Variants in HDAC8 observed in about 807,000 individuals in gnomAD.
HDAC8 encodes histone deacetylase-like 1.
A neutral mutation model predicts 32.2 loss-of-function variants in HDAC8; 1 was observed. The observed-to-expected ratio is 0.03, with a 90% CI of 0.01 to 0.15. The LOEUF is 0.15. Ranked by LOEUF, HDAC8 falls within the 10% of genes least tolerant of loss-of-function variation. The pLI is 1.00. For missense variants in HDAC8, 117 were observed against 300.0 expected, an observed-to-expected ratio of 0.39 and a Z score of 4.51; for synonymous variants, 108 against 113.9, an observed-to-expected ratio of 0.95 and a Z score of 0.33.
chrX:72,370,589 G>A (rs2044843294), intron 9 of HDAC8, among the ~76,000 whole-genome samples: 1 of 111,164 alleles, frequency 9.0e-6, no homozygotes, highest in Admixed American at 9.5e-5. Flanking sequence ...TCGAATTCCT[G>A]ACCTCATGAT....
chrX:72,363,291 G>GT (rs1376596605), intron 9 of HDAC8, among the ~76,000 whole-genome samples: 2 of 112,106 alleles, frequency 1.8e-5, no homozygotes, highest in African/African-American at 3.2e-5. Context: ...ACACACGAAG[G>GT]TTTTTTACAT....
chrX:72,370,986 T>C (rs919736995), intron 9 of HDAC8, among the ~76,000 whole-genome samples: 10 of 112,158 alleles, frequency 8.9e-5, no homozygotes, highest in African/African-American at 3.2e-4. Flanking sequence ...CCAAGATCAA[T>C]ACTTTGTATG....
chrX:72,434,824 A>G (rs1371074127), intron 9 of HDAC8, among the ~76,000 whole-genome samples: 2 of 112,354 alleles, frequency 1.8e-5, no homozygotes, highest in Non-Finnish European at 3.8e-5. Flanking sequence ...AACACATTTA[A>G]TACTCACATT....
At chrX:72,491,160 C>T in intron 5 of HDAC8, among the ~76,000 whole-genome samples, 154 bp from the exon 6 acceptor site, 1 of 111,996 alleles carries the variant, frequency 8.9e-6, no homozygotes, top group Non-Finnish European at 1.9e-5. Flanking sequence ...ATACGAACCT[C>T]TGGTCTCTAA....
At chrX:72,507,255 C>T (rs2049424683) in intron 4 of HDAC8, among the ~76,000 whole-genome samples, 1 of 111,730 alleles carries the variant, frequency 9.0e-6, no homozygotes, top group Non-Finnish European at 1.9e-5. Flanking sequence ...GTTCAAGTGG[C>T]TTTACAGAAA....
intron 5 of HDAC8, among the ~76,000 whole-genome samples, chrX:72,492,567 A>G (rs2048903471): frequency 9.1e-6 from 1 of 110,114 alleles, no homozygotes; most frequent in Non-Finnish European, 1.9e-5. Flanking sequence ...AACCAAATGC[A>G]TAAGTGTTGG....
chrX:72,472,012 T>A (rs1331073583), intron 7 of HDAC8, among the ~76,000 whole-genome samples: 2 of 111,705 alleles, frequency 1.8e-5, no homozygotes, highest in African/African-American at 6.5e-5. Context: ...CTATTTTAAA[T>A]TAATTTTTAT....
At chrX:72,434,612 C>G (rs893313489) in intron 9 of HDAC8, among the ~76,000 whole-genome samples, 9 of 111,805 alleles carry the variant, frequency 8.0e-5, no homozygotes, top group Non-Finnish European at 1.7e-4. Flanking sequence ...GTACCTAATA[C>G]AGCACCATAC....
intron 10 of HDAC8, among the ~76,000 whole-genome samples, chrX:72,335,352 C>G (rs1465776074): frequency 2.7e-5 from 3 of 112,151 alleles, no homozygotes; most frequent in African/African-American, 9.7e-5. Context: ...ACTCATCCCT[C>G]CCTTCCTTTC....
At chrX:72,514,105 A>C (rs1030361057) in intron 4 of HDAC8, among the ~76,000 whole-genome samples, 2 of 112,649 alleles carry the variant, frequency 1.8e-5, no homozygotes, top group Non-Finnish European at 3.7e-5. Flanking sequence ...GAAACTCAGA[A>C]GGTAATTCAC....
chrX:72,348,243 C>A (rs1163183396), intron 10 of HDAC8, among the ~76,000 whole-genome samples: 1 of 112,239 alleles, frequency 8.9e-6, no homozygotes, highest in African/African-American at 3.2e-5. Context: ...CTTACCTCTC[C>A]AAAGCAATCT....
intron 5 of HDAC8, among the ~76,000 whole-genome samples, chrX:72,493,461 G>A (rs1297688685): frequency 9.0e-6 from 1 of 111,256 alleles, no homozygotes; most frequent in African/African-American, 3.3e-5. Flanking sequence ...ATATGGCCCA[G>A]CAATCTGCAT....
At chrX:72,552,051 T>G (rs2051089029) in intron 4 of HDAC8, among the ~76,000 whole-genome samples, 1 of 112,763 alleles carries the variant, frequency 8.9e-6, no homozygotes, top group African/African-American at 3.2e-5. Flanking sequence ...AACTACTTCC[T>G]GCCTTGTTTC....
chrX:72,514,771 G>A (rs182525828), intron 4 of HDAC8, among the ~76,000 whole-genome samples: 187 of 111,700 alleles, frequency 1.7e-3, no homozygotes, highest in South Asian at 3.8e-3. Context: ...TTCGGCCTCC[G>A]AAAGTCTGTA....
At chrX:72,388,595 TACAC>T (rs59374504) in intron 9 of HDAC8, among the ~76,000 whole-genome samples, 1,063 of 88,328 alleles carry the variant, frequency 0.012, 6 homozygotes, top group African/African-American at 0.023. Flanking sequence ...CCACAGTGAT[TACAC>T]ACACACACAC....
intron 4 of HDAC8, among the ~76,000 whole-genome samples, chrX:72,565,099 A>G (rs1402736012): frequency 8.9e-6 from 1 of 112,075 alleles, no homozygotes; most frequent in Non-Finnish European, 1.9e-5. Flanking sequence ...TTTTGAAATA[A>G]AGAATCTTTT....
chrX:72,484,266 T>G (rs892193534), intron 7 of HDAC8, among the ~76,000 whole-genome samples: 8 of 112,016 alleles, frequency 7.1e-5, no homozygotes. Flanking sequence ...TATTATGAAC[T>G]CTGGTTCACT....
intron 9 of HDAC8, among the ~76,000 whole-genome samples, chrX:72,459,628 C>CTCTTCCTGAGGTGA (rs2047814509): frequency 9.0e-6 from 1 of 111,485 alleles, no homozygotes; most frequent in African/African-American, 3.3e-5. Flanking sequence ...TCCACAGTCA[C>CTCTTCCTGAGGTGA]TCTTCCTACT....
chrX:72,414,637 AAAG>A (rs1176216951), intron 9 of HDAC8, among the ~76,000 whole-genome samples: 1 of 112,174 alleles, frequency 8.9e-6, no homozygotes, highest in African/African-American at 3.2e-5. Flanking sequence ...GTTATTTGAA[AAAG>A]AAGAATTAAG....
Sources: gnomAD v4.1 joint callset for allele counts (sites outside exome capture counted in the v4.1 genomes callset) on GRCh38, gnomAD v4.1.1 for gene constraint, MANE v1.5 for transcripts, NCBI Gene and HGNC (gene_info 2026-07-23, HGNC 2026-07-21) for gene names.